NBAS: variants seen among roughly 807,000 people sequenced by gnomAD.
The protein encoded by NBAS is NAG/BC035112 fusion.
In NBAS, 219 loss-of-function variants were observed where a neutral mutation model predicts 302.5. The ratio of observed to expected loss-of-function variants is 0.72; its 90% CI spans 0.65 to 0.81. The LOEUF is 0.81. Ranked by LOEUF, NBAS falls within the 30% of genes least tolerant of loss-of-function variation. The pLI is 0.00. For synonymous variants in NBAS, 1,118 were observed against 1,021.6 expected (o/e 1.09, Z -1.80); for missense variants, 2,932 against 2,841.6 (o/e 1.03, Z -0.72).
the NBAS span, among the ~76,000 whole-genome samples, chr2:14,785,035 G>A: frequency 5.1e-4 from 77 of 152,122 alleles, no homozygotes; most frequent in African/African-American, 1.2e-3. Flanking sequence ...GGTCCTTCAC[G>A]TCCCTTGTAA....
intron 32 of NBAS, among the ~76,000 whole-genome samples, chr2:15,356,913 TCTCGTTGGGCTC>T (rs1261299665): frequency 2.6e-5 from 4 of 152,184 alleles, no homozygotes; most frequent in Non-Finnish European, 4.4e-5. Context: ...CTTAACAAAT[TCTCGTTGGGCTC>T]CTCTGAGCCT....
At chr2:15,214,217 A>G (rs112504087) in intron 48 of NBAS, among the ~76,000 whole-genome samples, 2,719 of 152,324 alleles carry the variant, frequency 0.018, 83 homozygotes, top group African/African-American at 0.062. Flanking sequence ...CATTTATTCA[A>G]CAAATATTTA....
chr2:15,367,221 T>C (rs10929361), intron 31 of NBAS, among the ~76,000 whole-genome samples: 1,677 of 152,130 alleles, frequency 0.011, 22 homozygotes, highest in African/African-American at 0.038. Flanking sequence ...AAACTGGATA[T>C]TAGGAAAATA....
chr2:14,893,008 T>G, the NBAS span, among the ~76,000 whole-genome samples: 1 of 152,240 alleles, frequency 6.6e-6, no homozygotes, highest in African/African-American at 2.4e-5. Context: ...CTCTAATGGT[T>G]AGCTAAAACT....
the NBAS span, among the ~76,000 whole-genome samples, chr2:14,842,715 G>A: frequency 6.6e-6 from 1 of 151,856 alleles, no homozygotes; most frequent in East Asian, 1.9e-4. Flanking sequence ...TGAGTTCACT[G>A]CTGAATTCTA....
At position 15,308,318 on chromosome 2, in the gene NBAS, G is replaced by C. The variant is rs773391752; in HGVS notation, c.4695C>G (p.Ser1565=). The C allele has an allele frequency of 6.2e-7, 1 of 1,614,064 alleles. No individual in the cohort carries two copies. Among genetic ancestry groups the C allele is most frequent in the South Asian group, 1.1e-5 (1 of 91,066 alleles). ...CCAGCTGGAGAGATAATGCAGAGGG[G>C]GACTGCTTTTCAAAGCACCGGTTAG... is the stretch of plus-strand genomic sequence containing the variant. ...LDANRCFEKQ[S]PSALSLQLAA... The change falls in exon 40 of 52, where the codon TCC becomes TCG. Residue 1565 remains serine (S), a synonymous_variant. Coordinates refer to ENST00000281513, the MANE Select transcript of NBAS (RefSeq NM_015909.4).
chr2:15,207,154 T>C (rs1425191306), intron 48 of NBAS, among the ~76,000 whole-genome samples: 2 of 152,160 alleles, frequency 1.3e-5, no homozygotes, highest in African/African-American at 4.8e-5. Flanking sequence ...CTTGGGAGCC[T>C]ACATCTTGCA....
intron 48 of NBAS, among the ~76,000 whole-genome samples, chr2:15,193,743 T>G (rs1449574026): frequency 6.6e-6 from 1 of 152,078 alleles, no homozygotes; most frequent in Non-Finnish European, 1.5e-5. Context: ...CCAAGATTTG[T>G]GTCCACAAAT....
the NBAS span, among the ~76,000 whole-genome samples, chr2:14,847,616 C>G: frequency 2.0e-5 from 3 of 151,458 alleles, no homozygotes; most frequent in Non-Finnish European, 2.9e-5. Context: ...GCACCCAACA[C>G]TGGAGCATTC....
the NBAS span, among the ~76,000 whole-genome samples, chr2:14,951,352 T>C: frequency 1.0e-3 from 152 of 152,326 alleles, 1 homozygote; most frequent in African/African-American, 3.5e-3. Flanking sequence ...AGTCCTGTTC[T>C]ATCCCTACCC....
the NBAS span, among the ~76,000 whole-genome samples, chr2:14,991,967 G>A: frequency 5.3e-5 from 8 of 152,234 alleles, no homozygotes; most frequent in South Asian, 2.1e-4. Flanking sequence ...TGGAGGTTAC[G>A]GAGGAGGAGC....
At chr2:14,884,741 C>T in the NBAS span, among the ~76,000 whole-genome samples, 1 of 152,124 alleles carries the variant, frequency 6.6e-6, no homozygotes, top group Non-Finnish European at 1.5e-5. Flanking sequence ...AACTCAAATA[C>T]TAACAAGTGC....
At chr2:15,232,640 T>C (rs1667428394) in intron 46 of NBAS, 129 bp from the exon 47 acceptor site, 4 of 762,008 alleles carry the variant, frequency 5.2e-6, no homozygotes, top group South Asian at 3.1e-5. Context: ...TAGTCATTTG[T>C]GCTATGTGAT....
chr2:15,028,730 A>C, the NBAS span, among the ~76,000 whole-genome samples: 3 of 152,196 alleles, frequency 2.0e-5, no homozygotes, highest in African/African-American at 7.2e-5. Flanking sequence ...AGATGTTGAC[A>C]TTCTCATACC....
At chr2:15,560,967 C>T (rs941015925) in intron 1 of NBAS, among the ~76,000 whole-genome samples, 2 of 152,186 alleles carry the variant, frequency 1.3e-5, no homozygotes, top group Non-Finnish European at 2.9e-5. Flanking sequence ...CAGCCCCCAA[C>T]AACCGAATTC....
the NBAS span, among the ~76,000 whole-genome samples, chr2:14,930,611 G>A: frequency 2.6e-5 from 4 of 152,176 alleles, no homozygotes; most frequent in African/African-American, 9.7e-5. Context: ...GCCAGTTACA[G>A]CCTTGTTGCT....
intron 35 of NBAS, among the ~76,000 whole-genome samples, chr2:15,335,272 A>C (rs1275703748): frequency 6.6e-6 from 1 of 152,000 alleles, no homozygotes; most frequent in Non-Finnish European, 1.5e-5. Context: ...TCTTCTATTA[A>C]TGTGCATTTG....
At chr2:14,995,329 C>T in the NBAS span, among the ~76,000 whole-genome samples, 1 of 151,910 alleles carries the variant, frequency 6.6e-6, no homozygotes, top group East Asian at 1.9e-4. Flanking sequence ...TTTGTCCTTG[C>T]GATAGTTTGC....
chr2:15,051,321 G>A, the NBAS span, among the ~76,000 whole-genome samples: 6 of 152,136 alleles, frequency 3.9e-5, no homozygotes, highest in Admixed American at 6.5e-5. Flanking sequence ...TTGTGTGCAG[G>A]GAGCTGGCCA....
Sources: gnomAD v4.1 joint callset for allele counts (sites outside exome capture counted in the v4.1 genomes callset) on GRCh38, gnomAD v4.1.1 for gene constraint, MANE v1.5 for transcripts, NCBI Gene and HGNC (gene_info 2026-07-23, HGNC 2026-07-21) for gene names.